The following NRP1 variants were observed in gnomAD, a reference collection of about 807,000 sequenced individuals.
NRP1 encodes neuropilin-1.
In NRP1, 35 loss-of-function variants were observed where a neutral mutation model predicts 106.7. The ratio of observed to expected loss-of-function variants is 0.33; its 90% CI spans 0.25 to 0.43. The LOEUF is 0.43. Among genes scored for constraint, NRP1 ranks in the 20% least tolerant of loss-of-function variants. The pLI is 1.00. For missense variants in NRP1, 1,024 were observed against 1,170.4 expected (o/e 0.87, Z 1.83); for synonymous variants, 437 against 417.9 (o/e 1.05, Z -0.56).
At position 33,254,026 on chromosome 10, in the gene NRP1, A is replaced by AC; in HGVS notation, c.981+1dup. 2 of 1,603,728 alleles carry AC rather than the reference A, an allele frequency of 1.2e-6. No homozygotes were observed. The highest frequency in any genetic ancestry group is 1.7e-6 in the Non-Finnish European group (2 of 1,176,998). On this transcript the variant is annotated splice_donor_variant, in intron 6 of 16. Transcript: ENST00000374867. LOFTEE classifies it high-confidence loss of function. ...AGATAGGCTTGATCTTATGCTGCAT[A>AC]CCTGTATCCACTCTCGGTAGGAATC... is the stretch of plus-strand genomic sequence containing the variant.
chr10:33,224,393 G>A (rs376508504), intron 7 of NRP1, among the ~76,000 whole-genome samples: 25 of 151,936 alleles, frequency 1.6e-4, no homozygotes, highest in African/African-American at 6.0e-4. Context: ...GAAATAGCCC[G>A]TATGGTTTTT....
At chr10:33,197,551 C>T (rs1334648956) in intron 12 of NRP1, 99 bp downstream of exon 12, 1 of 866,472 alleles carries the variant, frequency 1.2e-6, no homozygotes. Flanking sequence ...TGTGGCATCT[C>T]TCCTTCTAGG....
In NRP1 at chr10:33,198,147, T is replaced by TTA. The variant is rs1321478952; in HGVS notation, c.1865-439_1865-438insTA. ...TTTCTTTTTTTTAAATTTTTAAATT[T>TTA]TTTTTTTTTTTTGAGATGGAGTCTC... On this transcript the variant is annotated intron_variant, in intron 11 of 16. Coordinates refer to ENST00000374867, the MANE Select transcript of NRP1 (RefSeq NM_003873.7). Among the ~76,000 whole-genome samples the TTA allele has an allele frequency of 6.1e-4, 54 of 88,232 alleles. No homozygotes were observed. In the East Asian group the frequency reaches 0.022, roughly 36 times the overall value. The allele number at this position is 88,232 out of a possible 152,430, so 57.9% of individuals were successfully genotyped here. A position where few individuals can be genotyped will look rare whatever the true frequency, so the allele number is the denominator to read the frequency against.
intron 6 of NRP1, among the ~76,000 whole-genome samples, chr10:33,231,243 A>G (rs1304023604): frequency 1.3e-5 from 2 of 151,986 alleles, no homozygotes; most frequent in Non-Finnish European, 2.9e-5. Flanking sequence ...CTCCTTCTAG[A>G]TTGTTGTGTG....
At position 33,185,735 on chromosome 10, in the gene NRP1, A is replaced by T; in HGVS notation, c.2335-11T>A. Reference sequence around the variant, plus strand: ...GCCCTCGAAAATCACCTAACAAAATAAGATCATTTTCACAGTATTGAAATG... The same window carrying T: ...GCCCTCGAAAATCACCTAACAAAATTAGATCATTTTCACAGTATTGAAATG... On this transcript the variant is annotated splice_polypyrimidine_tract_variant and intron_variant, in intron 14 of 16. Transcript: ENST00000374867. 1 of 1,608,764 alleles carries T rather than the reference A, an allele frequency of 6.2e-7. No homozygotes were observed.
At chr10:33,186,679 A>C (rs1197473589) in intron 13 of NRP1, among the ~76,000 whole-genome samples, 191 bp from the exon 14 acceptor site, 1 of 152,172 alleles carries the variant, frequency 6.6e-6, no homozygotes. Context: ...AGCTCTTGCA[A>C]AATGGACATT....
At position 33,283,308 on chromosome 10, in the gene NRP1, A is replaced by G. The variant is rs115718225; in HGVS notation, c.249-12452T>C. On this transcript the variant is annotated intron_variant, in intron 2 of 16. Coordinates refer to ENST00000374867, the MANE Select transcript of NRP1 (RefSeq NM_003873.7). ...ACTGTTTGCTATAAATCATTTTTAG[A>G]TTCTGATACATTCATGCTTAGAGTA... Among the ~76,000 whole-genome samples, 403 of 152,294 alleles carry G rather than the reference A, an allele frequency of 2.6e-3. 2 individuals are homozygous for G. The highest frequency in any genetic ancestry group is 9.5e-3 in the African/African-American group (394 of 41,560).
At position 33,334,328 on chromosome 10, in the gene NRP1, C is replaced by T. The variant is rs1422054694; in HGVS notation, c.55G>A (p.Ala19Thr). The stretch of plus-strand genomic sequence containing the variant: ...CACTTACCGTTGCGAAAAGCGCCGG[C>T]CGGGGCGAGGACGAGGGCGAGCACG... Reference protein sequence around the residue: ...CAVLALVLAPAGAFRNDKCGD... With the variant: ...CAVLALVLAPTGAFRNDKCGD... Residue 19 changes from alanine to threonine, a missense_variant, in exon 1 of 17, where the codon GCC becomes ACC. Physicochemically the swap from Ala to Thr is moderately conservative, Grantham distance 58 (BLOSUM62 0). This residue lies in a region of NRP1 where 279 missense variants were observed against 327.4 expected (regional missense o/e 0.85). Transcript: ENST00000374867. 1.3e-6 allele frequency: 2 copies of T among 1,543,740 alleles called. No homozygotes were observed. Among genetic ancestry groups the T allele is most frequent in the African/African-American group, 2.7e-5 (2 of 73,018 alleles).
intron 3 of NRP1, among the ~76,000 whole-genome samples, 163 bp from the exon 4 acceptor site, chr10:33,264,036 T>C (rs1490290482): frequency 6.6e-6 from 1 of 152,248 alleles, no homozygotes; most frequent in Non-Finnish European, 1.5e-5. Context: ...GTAAAATGGG[T>C]ATGGAAAGTC....
chr10:33,197,935 A>G (rs762290645), intron 11 of NRP1, among the ~76,000 whole-genome samples: 1 of 151,890 alleles, frequency 6.6e-6, no homozygotes, highest in Non-Finnish European at 1.5e-5. Context: ...TTAAAAATTT[A>G]TAAATAAAAT....
chr10:33,253,991 A>C (rs1842032502), intron 6 of NRP1, 37 bp downstream of exon 6: 1 of 1,556,162 alleles, frequency 6.4e-7, no homozygotes, highest in African/African-American at 1.4e-5. Flanking sequence ...TCAAAAACTT[A>C]TTCAATCCTA....
At chr10:33,295,305 G>A (rs758451004) in intron 2 of NRP1, among the ~76,000 whole-genome samples, 3 of 152,174 alleles carry the variant, frequency 2.0e-5, no homozygotes, top group Non-Finnish European at 2.9e-5. Context: ...GAAAGACCCC[G>A]CATCCTGGCC....
chr10:33,239,944 A>G (rs926919037), intron 6 of NRP1, among the ~76,000 whole-genome samples: 1 of 152,234 alleles, frequency 6.6e-6, no homozygotes, highest in Admixed American at 6.5e-5. Context: ...ATTTGACTGC[A>G]TCACTAGAGT....
intron 2 of NRP1, among the ~76,000 whole-genome samples, chr10:33,303,022 C>G (rs1221738664): frequency 6.6e-6 from 1 of 152,198 alleles, no homozygotes; most frequent in African/African-American, 2.4e-5. Flanking sequence ...GGCAGCGAAT[C>G]TTTCCCCCGT....
chr10:33,215,496 A>G (rs1418934123), intron 8 of NRP1, among the ~76,000 whole-genome samples: 1 of 152,216 alleles, frequency 6.6e-6, no homozygotes, highest in African/African-American at 2.4e-5. Flanking sequence ...GTTGTTGATG[A>G]ATTCAACGCT....
intron 2 of NRP1, among the ~76,000 whole-genome samples, chr10:33,316,578 A>G (rs1050516696): frequency 1.3e-5 from 2 of 152,248 alleles, no homozygotes; most frequent in Non-Finnish European, 2.9e-5. Context: ...GGAAAAATTC[A>G]GGGCAAAGGC....
intron 2 of NRP1, among the ~76,000 whole-genome samples, chr10:33,274,546 T>TA (rs1393120182): frequency 6.6e-6 from 1 of 152,018 alleles, no homozygotes; most frequent in Non-Finnish European, 1.5e-5. Flanking sequence ...GCTTTATAGG[T>TA]ATGTGGTGCT....
At chr10:33,273,218 G>T (rs908625827) in intron 2 of NRP1, among the ~76,000 whole-genome samples, 1 of 152,092 alleles carries the variant, frequency 6.6e-6, no homozygotes, top group Non-Finnish European at 1.5e-5. Flanking sequence ...AAACTGGAAG[G>T]CTGCTATCGT....
chr10:33,300,583 T>C (rs1477448033), intron 2 of NRP1, among the ~76,000 whole-genome samples: 1 of 152,084 alleles, frequency 6.6e-6, no homozygotes, highest in African/African-American at 2.4e-5. Context: ...GGCGCCCAAA[T>C]CACTAAGCTA....
Sources: allele counts gnomAD v4.1 joint callset (sites outside exome capture counted in the v4.1 genomes callset), GRCh38; gene constraint gnomAD v4.1.1; regional missense constraint gnomAD v4.1.1; transcripts MANE v1.5; gene names NCBI Gene and HGNC (gene_info 2026-07-23, HGNC 2026-07-21).